PDE11A: variants seen among roughly 807,000 people sequenced by gnomAD.
The protein encoded by PDE11A is phosphodiesterase 11A.
In PDE11A, 100 loss-of-function variants were observed where a neutral mutation model predicts 100.5. The ratio of observed to expected loss-of-function variants is 1.00; its 90% CI spans 0.85 to 1.18. The LOEUF is 1.18. PDE11A is among the 50% of genes most tolerant of loss of function. PDE11A has a pLI of 0.00. For missense variants in PDE11A, 1,141 were observed against 1,152.6 expected (o/e 0.99, Z 0.15); for synonymous variants, 381 against 420.8 (o/e 0.91, Z 1.16).
intron 2 of PDE11A, among the ~76,000 whole-genome samples, chr2:177,910,395 G>T (rs1192913709): frequency 6.9e-6 from 1 of 145,390 alleles, no homozygotes; most frequent in Non-Finnish European, 1.5e-5. Flanking sequence ...CAGTGTTACA[G>T]ATGTCTCTCT....
chr2:177,961,186 A>G (rs1249644731), intron 2 of PDE11A, among the ~76,000 whole-genome samples: 1 of 151,700 alleles, frequency 6.6e-6, no homozygotes, highest in Non-Finnish European at 1.5e-5. Context: ...CCTTCCTCCC[A>G]TCTTCTCCTA....
intron 13 of PDE11A, among the ~76,000 whole-genome samples, chr2:177,704,833 A>C (rs1349968285): frequency 2.0e-5 from 3 of 151,990 alleles, no homozygotes; most frequent in Non-Finnish European, 4.4e-5. Context: ...ATCTACTTTT[A>C]ATTGATTGTG....
At chr2:177,791,329 T>A (rs939251108) in intron 9 of PDE11A, among the ~76,000 whole-genome samples, 1 of 139,892 alleles carries the variant, frequency 7.1e-6, no homozygotes, top group Non-Finnish European at 1.5e-5. Context: ...TAGGTGGGAA[T>A]TGAACAATGA....
At chr2:177,722,639 C>A (rs189253702) in intron 12 of PDE11A, among the ~76,000 whole-genome samples, 248 of 152,212 alleles carry the variant, frequency 1.6e-3, no homozygotes, top group Non-Finnish European at 3.1e-3. Context: ...GTAATTTAAA[C>A]ACAGTATTCA....
intron 2 of PDE11A, among the ~76,000 whole-genome samples, chr2:177,942,476 C>T (rs903866019): frequency 6.6e-6 from 1 of 151,096 alleles, no homozygotes; most frequent in Non-Finnish European, 1.5e-5. Context: ...GATCTCGGCT[C>T]ACCGCAACCT....
chr2:177,740,957 G>C (rs779360953), intron 10 of PDE11A, among the ~76,000 whole-genome samples: 1 of 152,134 alleles, frequency 6.6e-6, no homozygotes, highest in Admixed American at 6.5e-5. Context: ...AGTTTGCTGC[G>C]TGCTAAAGCT....
intron 2 of PDE11A, among the ~76,000 whole-genome samples, chr2:178,099,493 T>G (rs1174660246): frequency 7.1e-6 from 1 of 141,396 alleles, no homozygotes; most frequent in African/African-American, 2.6e-5. Flanking sequence ...AAAAACACAG[T>G]ATATATGGTT....
At chr2:177,731,709 T>G (rs1394326541) in intron 10 of PDE11A, among the ~76,000 whole-genome samples, 1 of 152,228 alleles carries the variant, frequency 6.6e-6, no homozygotes, top group Non-Finnish European at 1.5e-5. Context: ...AAGCCCATCT[T>G]CATTTGCACT....
chr2:177,945,620 C>T (rs1325817136), intron 2 of PDE11A, among the ~76,000 whole-genome samples: 59 of 150,642 alleles, frequency 3.9e-4, no homozygotes, highest in Non-Finnish European at 4.8e-4. Flanking sequence ...CCCCTCCGCC[C>T]GGCAGCCGCC....
intron 12 of PDE11A, among the ~76,000 whole-genome samples, chr2:177,720,610 A>G (rs2081512410): frequency 6.6e-6 from 1 of 152,188 alleles, no homozygotes; most frequent in African/African-American, 2.4e-5. Flanking sequence ...GGGAATCACC[A>G]TCTAGGACCA....
chr2:177,685,436 T>C (rs909853701), intron 15 of PDE11A, among the ~76,000 whole-genome samples: 6 of 152,220 alleles, frequency 3.9e-5, no homozygotes, highest in African/African-American at 1.4e-4. Flanking sequence ...CCACTAACGA[T>C]TGTTATATCT....
intron 5 of PDE11A, among the ~76,000 whole-genome samples, chr2:177,856,735 C>T (rs2083840728): frequency 6.6e-6 from 1 of 151,846 alleles, no homozygotes; most frequent in African/African-American, 2.4e-5. Context: ...TAGGTCAATT[C>T]AAACATCTAG....
At chr2:178,082,421 T>G (rs77291991) in intron 2 of PDE11A, among the ~76,000 whole-genome samples, 9,018 of 152,234 alleles carry the variant, frequency 0.059, 332 homozygotes, top group Middle Eastern at 0.13. Context: ...ATATGTCAAC[T>G]AAAAAATGCC....
At chr2:177,870,697 G>T (rs1574236157) in intron 5 of PDE11A, among the ~76,000 whole-genome samples, 2 of 152,160 alleles carry the variant, frequency 1.3e-5, no homozygotes, top group Non-Finnish European at 2.9e-5. Flanking sequence ...TTCAAATATT[G>T]CCTCTGTAAC....
chr2:177,642,124 T>C (rs1368964709), intron 19 of PDE11A, among the ~76,000 whole-genome samples: 1 of 152,208 alleles, frequency 6.6e-6, no homozygotes. Flanking sequence ...GAATTATGAA[T>C]GAAAAGTGCA....
chr2:178,043,743 C>T (rs1419267680), intron 1 of PDE11A, among the ~76,000 whole-genome samples: 1 of 152,118 alleles, frequency 6.6e-6, no homozygotes, highest in African/African-American at 2.4e-5. Flanking sequence ...ATAATCACAA[C>T]AACCATGCAA....
At chr2:178,104,619 CTTTA>C in intron 1 of PDE11A, 1 of 670,444 alleles carries the variant, frequency 1.5e-6, no homozygotes. Flanking sequence ...AGCATGCAAG[CTTTA>C]ATGTATGAGT....
rs138099962 is a variant in PDE11A at position 177,675,474 on chromosome 2, G to A, written c.2468C>T (p.Pro823Leu). 116 of 1,613,118 alleles carry A rather than the reference G, an allele frequency of 7.2e-5. No individual in the cohort carries two copies. The East Asian group carries it at 1.6e-3, about 22-fold the overall frequency. The change falls in exon 17 of 20, where the codon CCG (proline) becomes CTG (leucine). Residue 823 changes from proline (P) to leucine (L), a missense_variant. Physicochemically the swap from Pro to Leu is moderately conservative, Grantham distance 98 (BLOSUM62 -3). Coordinates refer to ENST00000286063, the MANE Select transcript of PDE11A (RefSeq NM_016953.4). ...TACDLGAVTK[P>L]WEISRQVAEL... ...ACTTGCCTGTCTGGAGATCTCCCAC[G>A]GTTTGGTCACGGCTCCAAGGTCACA...
At chr2:177,669,323 A>C (rs921785496) in intron 18 of PDE11A, among the ~76,000 whole-genome samples, 170 bp downstream of exon 18, 1 of 152,188 alleles carries the variant, frequency 6.6e-6, no homozygotes, top group Non-Finnish European at 1.5e-5. Flanking sequence ...TTAATCAGAA[A>C]CTTGGGAATA....
Sources: gnomAD v4.1 joint callset for allele counts (sites outside exome capture counted in the v4.1 genomes callset) on GRCh38, gnomAD v4.1.1 for gene constraint, MANE v1.5 for transcripts, NCBI Gene and HGNC (gene_info 2026-07-23, HGNC 2026-07-21) for gene names.